The following SHC3 variants were observed in gnomAD, a reference collection of about 807,000 sequenced individuals.
The protein encoded by SHC3 is SHC-transforming protein 3.
A neutral mutation model predicts 60.4 loss-of-function variants in SHC3; 15 were observed. The ratio of observed to expected loss-of-function variants is 0.25; its 90% confidence interval spans 0.17 to 0.38. The LOEUF (loss-of-function observed/expected upper bound fraction) is 0.38, where lower values mean the gene tolerates loss of function less well. SHC3 is among the 10% of genes least tolerant of loss of function. The pLI is 1.00. For missense variants in SHC3, 677 were observed against 786.1 expected (o/e 0.86, Z 1.66); for synonymous variants, 294 against 325.9 (o/e 0.90, Z 1.05).
intron 2 of SHC3, chr9:89,109,442 A>G (rs1825914451): frequency 1.0e-6 from 1 of 985,478 alleles, no homozygotes; most frequent in Non-Finnish European, 1.2e-6. Context: ...GCTCAGAGAC[A>G]TGATGGAGTG....
chr9:89,032,677 A>C (rs2117854057), intron 11 of SHC3, among the ~76,000 whole-genome samples: 1 of 152,254 alleles, frequency 6.6e-6, no homozygotes. Context: ...TGCCCCACGC[A>C]GCTTCTCACC....
intron 9 of SHC3, among the ~76,000 whole-genome samples, chr9:89,045,004 G>A (rs982593438): frequency 3.9e-5 from 6 of 152,188 alleles, no homozygotes; most frequent in Non-Finnish European, 2.9e-5. Context: ...AAGGGAAGGA[G>A]AACGAGACAA....
chr9:89,090,133 C>T (rs1292505889), intron 2 of SHC3, among the ~76,000 whole-genome samples: 2 of 152,106 alleles, frequency 1.3e-5, no homozygotes, highest in African/African-American at 2.4e-5. Context: ...GCCCTTACTC[C>T]AAGGTGGAGA....
In SHC3 at chr9:89,042,123, T is replaced by G; in HGVS notation, c.1263A>C (p.Ala421=). ...TCTGCTGAGTGTTGACGTAGGTGGG[T>G]GCTTCTCCCGTGGGGGCCACGTGCA... is the stretch of plus-strand genomic sequence containing the variant. ...GKLHVAPTGE[A]PTYVNTQQIP... The change falls in exon 10 of 12, where the codon GCA becomes GCC. Residue 421 remains alanine (A), a synonymous_variant. Transcript: ENST00000375835. The G allele has an allele frequency of 6.3e-7, 1 of 1,579,268 alleles. No individual in the cohort carries two copies. Among genetic ancestry groups the G allele is most frequent in the African/African-American group, 1.4e-5 (1 of 72,664 alleles).
chr9:89,035,474 T>C (rs1361610965), intron 11 of SHC3, among the ~76,000 whole-genome samples: 1 of 152,092 alleles, frequency 6.6e-6, no homozygotes, highest in Admixed American at 6.6e-5. Context: ...GCCATAAGGA[T>C]GTAATAGCAT....
At chr9:89,054,231 C>T (rs1041629700) in intron 6 of SHC3, among the ~76,000 whole-genome samples, 44 of 152,282 alleles carry the variant, frequency 2.9e-4, no homozygotes, top group African/African-American at 8.7e-4. Flanking sequence ...GGTAAAAGCA[C>T]TCTAGCATGC....
At chr9:89,049,572 T>G (rs1368850856) in intron 7 of SHC3, among the ~76,000 whole-genome samples, 1 of 152,244 alleles carries the variant, frequency 6.6e-6, no homozygotes, top group East Asian at 1.9e-4. Flanking sequence ...TGAAATATAC[T>G]TATGCATCCC....
At chr9:89,041,797 C>T (rs780570579) in intron 10 of SHC3, among the ~76,000 whole-genome samples, 22 of 152,112 alleles carry the variant, frequency 1.4e-4, no homozygotes, top group Non-Finnish European at 3.1e-4. Context: ...TCAAGAGGAA[C>T]GTCAATTCCA....
chr9:89,060,517 G>T (rs537218433), intron 6 of SHC3, among the ~76,000 whole-genome samples: 1 of 152,038 alleles, frequency 6.6e-6, no homozygotes, highest in East Asian at 1.9e-4. Flanking sequence ...CAGGCACAGG[G>T]CCCAGGAGGC....
At chr9:89,050,612 T>C (rs938945490) in intron 7 of SHC3, among the ~76,000 whole-genome samples, 10 of 152,208 alleles carry the variant, frequency 6.6e-5, no homozygotes, top group Admixed American at 3.9e-4. Context: ...AGTCTTTCCA[T>C]ACATTTATTT....
At chr9:89,077,656 G>A (rs1825380041) in intron 3 of SHC3, among the ~76,000 whole-genome samples, 184 bp downstream of exon 3, 1 of 152,200 alleles carries the variant, frequency 6.6e-6, no homozygotes, top group South Asian at 2.1e-4. Flanking sequence ...CTGAGACAGG[G>A]ACAGCTAACT....
In SHC3 at chr9:89,148,684, T is replaced by C. The variant is rs879347990; in HGVS notation, c.474+29303A>G. On this transcript the variant is annotated intron_variant, in intron 1 of 11. Transcript: ENST00000375835. The stretch of plus-strand genomic sequence containing the variant: ...TGACCTAATCTCTAAGTGTAAATAT[T>C]ACCTGGTAGTACACTTTTAAGCTGA... Among the ~76,000 whole-genome samples, 8 of 152,352 alleles carry C rather than the reference T, an allele frequency of 5.3e-5. 1 individual carries two copies. The highest frequency in any genetic ancestry group is 5.2e-4 in the Admixed American group (8 of 15,304).
chr9:89,137,798 T>G (rs1826339237), intron 1 of SHC3, among the ~76,000 whole-genome samples: 1 of 152,044 alleles, frequency 6.6e-6, no homozygotes. Flanking sequence ...GAGCTGCAAC[T>G]TACAAAGACC....
intron 2 of SHC3, chr9:89,110,116 C>T: frequency 1.0e-6 from 1 of 985,408 alleles, no homozygotes; most frequent in South Asian, 4.7e-5. Flanking sequence ...GTTTTCCTTT[C>T]ACAAGTTTGA....
chr9:89,059,192 A>G (rs1825017374), intron 6 of SHC3, among the ~76,000 whole-genome samples: 5 of 111,220 alleles, frequency 4.5e-5, no homozygotes, highest in Middle Eastern at 9.1e-3. Flanking sequence ...ATGGTGGAGG[A>G]CAGTGGTGGA....
At chr9:89,087,079 T>G (rs1256525892) in intron 2 of SHC3, among the ~76,000 whole-genome samples, 1 of 152,172 alleles carries the variant, frequency 6.6e-6, no homozygotes, top group Non-Finnish European at 1.5e-5. Flanking sequence ...CACATATATG[T>G]GCATCAAGGG....
chr9:89,125,208 G>A (rs1027575564), intron 1 of SHC3, among the ~76,000 whole-genome samples: 3 of 152,142 alleles, frequency 2.0e-5, no homozygotes, highest in Non-Finnish European at 2.9e-5. Context: ...AACCTCCCAC[G>A]AGCTTCCCAG....
intron 10 of SHC3, among the ~76,000 whole-genome samples, chr9:89,039,254 C>A (rs544572108): frequency 2.6e-5 from 4 of 152,340 alleles, no homozygotes; most frequent in African/African-American, 9.6e-5. Flanking sequence ...TTGCTCCTAG[C>A]ACACAGTTCA....
At chr9:89,161,429 C>A (rs1826704632) in intron 1 of SHC3, among the ~76,000 whole-genome samples, 1 of 152,180 alleles carries the variant, frequency 6.6e-6, no homozygotes, top group South Asian at 2.1e-4. Flanking sequence ...GTACAGCCTG[C>A]AGAGCCAGTT....
Sources: gnomAD v4.1 joint callset for allele counts (sites outside exome capture counted in the v4.1 genomes callset) on GRCh38, gnomAD v4.1.1 for gene constraint, MANE v1.5 for transcripts, NCBI Gene and HGNC (gene_info 2026-07-23, HGNC 2026-07-21) for gene names.